PARP14: variants seen among roughly 807,000 people sequenced by gnomAD.
PARP14 encodes the protein poly(ADP-ribose) polymerase family member 14, also known as protein mono-ADP-ribosyltransferase PARP14.
PARP14 carries 59 observed loss-of-function variants against 154.2 expected under a neutral mutation model. That is an observed-to-expected ratio of 0.38 (90% CI 0.31 to 0.48). The LOEUF (loss-of-function observed/expected upper bound fraction) is 0.48, where lower values mean the gene tolerates loss of function less well. PARP14 is among the 20% of genes least tolerant of loss of function. PARP14 has a pLI of 0.98. For missense variants in PARP14, 1,734 were observed against 2,131.6 expected, an observed-to-expected ratio of 0.81 and a Z score of 3.67; for synonymous variants, 720 against 780.5, an observed-to-expected ratio of 0.92 and a Z score of 1.29.
chr3:122,702,189 G>T (rs1025945131), intron 6 of PARP14, among the ~76,000 whole-genome samples: 1 of 152,100 alleles, frequency 6.6e-6, no homozygotes, highest in Non-Finnish European at 1.5e-5. Flanking sequence ...GGGCATGGCA[G>T]GGGTTGGAGG....
At chr3:122,708,585 T>G (rs1218949139) in intron 9 of PARP14, among the ~76,000 whole-genome samples, 1 of 152,250 alleles carries the variant, frequency 6.6e-6, no homozygotes, top group East Asian at 1.9e-4. Flanking sequence ...ACCAAATCTT[T>G]CACCTTTGTC....
intron 5 of PARP14, among the ~76,000 whole-genome samples, chr3:122,697,595 T>A (rs953263328): frequency 6.6e-6 from 1 of 152,234 alleles, no homozygotes; most frequent in Non-Finnish European, 1.5e-5. Flanking sequence ...TAGAGCTTGG[T>A]TTAAAAGAGA....
chr3:122,694,609 A>G (rs1938707734), intron 4 of PARP14, among the ~76,000 whole-genome samples: 1 of 152,056 alleles, frequency 6.6e-6, no homozygotes, highest in Non-Finnish European at 1.5e-5. Context: ...GCGTGATCTC[A>G]GCTCACTACA....
At chr3:122,695,683 A>G in intron 5 of PARP14, 21 bp downstream of exon 5, 1 of 1,133,320 alleles carries the variant, frequency 8.8e-7, no homozygotes, top group Non-Finnish European at 1.3e-6. Context: ...TTAACCTGTC[A>G]TACCTGGCAT....
chr3:122,685,149 G>T, intron 1 of PARP14, 36 bp from the exon 2 acceptor site: 1 of 1,605,060 alleles, frequency 6.2e-7, no homozygotes, highest in Non-Finnish European at 8.5e-7. Flanking sequence ...AAGATTGCTT[G>T]TCATTTGTCT....
intron 7 of PARP14, 50 bp downstream of exon 7, chr3:122,704,028 C>T (rs1179114596): frequency 1.6e-6 from 2 of 1,248,700 alleles, no homozygotes; most frequent in Non-Finnish European, 2.4e-6. Context: ...CCTTTGGGTT[C>T]TCCTTTTAGT....
intron 3 of PARP14, among the ~76,000 whole-genome samples, chr3:122,688,325 A>AAGAAAAAT (rs2107637195): frequency 6.6e-6 from 1 of 152,240 alleles, no homozygotes; most frequent in South Asian, 2.1e-4. Context: ...GTTTCTTATG[A>AAGAAAAAT]CTTCATAGAT....
chr3:122,685,378 G>A, intron 2 of PARP14, 60 bp downstream of exon 2: 1 of 1,444,822 alleles, frequency 6.9e-7, no homozygotes, highest in Non-Finnish European at 9.6e-7. Context: ...TGTGAGATGG[G>A]AATCACCATG....
chr3:122,718,922 C>T lies in PARP14; in HGVS notation c.4771C>T (p.His1591Tyr). The stretch of plus-strand genomic sequence containing the variant: ...ATACACTGCCACAGACACAAAGGGC[C>T]ACAGTTTATCTGTTCAGCGCCTCAC... ...NTYTATDTKG[H>Y]SLSVQRLTKS... Residue 1591 changes from histidine to tyrosine, a missense_variant, in exon 14 of 17, where the codon CAC becomes TAC. His to Tyr is a moderately conservative substitution (Grantham distance 83). Coordinates refer to ENST00000474629, the MANE Select transcript of PARP14 (RefSeq NM_017554.3). 6.2e-7 allele frequency: 1 copy of T among 1,610,446 alleles called. No homozygotes were observed. The highest frequency in any genetic ancestry group is 8.5e-7 in the Non-Finnish European group (1 of 1,178,326).
Position 122,718,293 on chromosome 3 carries a change from T to G in PARP14, c.4207+16T>G. The G allele has an allele frequency of 6.2e-7, 1 of 1,612,972 alleles. No homozygotes were observed. The highest frequency in any genetic ancestry group is 8.5e-7 in the Non-Finnish European group (1 of 1,179,314). The stretch of plus-strand genomic sequence containing the variant: ...AAACTTGCATGTGAGTTCTTTGTTT[T>G]TATGAAATGCATGTTCATAACGTTG... On this transcript the variant is annotated intron_variant, in intron 13 of 16. Coordinates refer to ENST00000474629, the MANE Select transcript of PARP14 (RefSeq NM_017554.3).
intron 1 of PARP14, among the ~76,000 whole-genome samples, chr3:122,684,416 C>CT (rs1452800906): frequency 6.6e-6 from 1 of 152,102 alleles, no homozygotes; most frequent in Non-Finnish European, 1.5e-5. Context: ...CTGCGTAGTT[C>CT]TTGAGGATGT....
At chr3:122,713,088 T>TCTGTCTG (rs1219844465) in intron 9 of PARP14, among the ~76,000 whole-genome samples, 36 of 152,364 alleles carry the variant, frequency 2.4e-4, no homozygotes, top group African/African-American at 8.4e-4. Flanking sequence ...CTTTCTTCAA[T>TCTGTCTG]CTGTCTGCTG....
intron 3 of PARP14, 117 bp downstream of exon 3, chr3:122,687,230 G>A (rs790131): frequency 0.31 from 222,512 of 716,934 alleles, 43,129 homozygotes; most frequent in African/African-American, 0.65. Flanking sequence ...GATGTGCTCC[G>A]CTGGGAGCTG....
At chr3:122,709,352 G>A (rs1488989473) in intron 9 of PARP14, among the ~76,000 whole-genome samples, 1 of 152,162 alleles carries the variant, frequency 6.6e-6, no homozygotes, top group Non-Finnish European at 1.5e-5. Flanking sequence ...ATAGCCTCCA[G>A]CTCCATCCAA....
chr3:122,681,133 G>T lies in PARP14; in HGVS notation c.187+63G>T. The T allele has an allele frequency of 7.5e-7, 1 of 1,341,376 alleles. No individual in the cohort carries two copies. Among genetic ancestry groups the T allele is most frequent in the Non-Finnish European group, 1.0e-6 (1 of 955,392 alleles). 83.1% of individuals were successfully genotyped at this position (1,341,376 alleles called of 1,614,324 possible). A position where few individuals can be genotyped will look rare whatever the true frequency, so the allele number is the denominator to read the frequency against. ...TCTGCCCTCCCTCCAGGGAAATGGC[G>T]GCAGGGCACGCACGGGAGGGTGACC... is the stretch of plus-strand genomic sequence containing the variant. On this transcript the variant is annotated intron_variant, in intron 1 of 16. Transcript: ENST00000474629. This position sits in a 1 kb window ranked among gnomAD's most constrained non-coding sequence, Gnocchi z 5.5.
intron 12 of PARP14, among the ~76,000 whole-genome samples, chr3:122,714,830 A>T (rs747558650): frequency 2.0e-5 from 3 of 152,118 alleles, no homozygotes; most frequent in African/African-American, 7.2e-5. Context: ...CATGGAGAAT[A>T]TTAGTACAAC....
intron 8 of PARP14, among the ~76,000 whole-genome samples, chr3:122,706,358 A>G (rs1358130224): frequency 1.3e-5 from 2 of 152,212 alleles, no homozygotes; most frequent in African/African-American, 2.4e-5. Context: ...ATAGATGGAG[A>G]CTGTCACAGA....
At position 122,708,387 on chromosome 3, in the gene PARP14, A is replaced by G. The variant is rs1939227095; in HGVS notation, c.3619+119A>G. The stretch of plus-strand genomic sequence containing the variant: ...AAAAAATCAATGAGTGACAAATGAT[A>G]CTAAGTTATGTTTCATATACCTGAG... On this transcript the variant is annotated intron_variant, in intron 9 of 16. Coordinates refer to ENST00000474629, the MANE Select transcript of PARP14 (RefSeq NM_017554.3). 4 of 633,354 alleles carry G rather than the reference A, an allele frequency of 6.3e-6. No individual in the cohort carries two copies. In the Admixed American group the frequency reaches 1.1e-4, roughly 18 times the overall value. 39.2% of individuals were successfully genotyped at this position (633,354 alleles called of 1,614,324 possible).
chr3:122,680,865 G>T lies in PARP14; in HGVS notation c.-19G>T, dbSNP rs965467100. On this transcript the variant is annotated 5_prime_UTR_variant, in exon 1 of 17. Transcript: ENST00000474629. The stretch of plus-strand genomic sequence containing the variant: ...GAGTTGGCGCGGCCCCTGCAGTCCG[G>T]CGGAGAGCGGAGCTGAGGATGGCTG... The T allele has an allele frequency of 8.8e-6, 14 of 1,583,628 alleles. No homozygotes were observed. Among genetic ancestry groups the T allele is most frequent in the African/African-American group, 1.4e-5 (1 of 73,954 alleles).
Sources: gnomAD v4.1 joint callset for allele counts (sites outside exome capture counted in the v4.1 genomes callset) on GRCh38, gnomAD v4.1.1 for gene constraint, Gnocchi (gnomAD v3.1) non-coding constraint, MANE v1.5 for transcripts, NCBI Gene and HGNC (gene_info 2026-07-23, HGNC 2026-07-21) for gene names.